COMT: variants seen among roughly 807,000 people sequenced by gnomAD.
The protein encoded by COMT is catechol-O-methyltransferase, also known as catechol O-methyltransferase.
Under a neutral mutation model 18.9 loss-of-function variants are expected in COMT, and 13 were observed. That is an observed-to-expected ratio of 0.69 (90% CI 0.45 to 1.09). The LOEUF is 1.09. Ranked by LOEUF, COMT falls within the 50% of genes least tolerant of loss-of-function variation. COMT has a pLI of 0.00. For missense variants in COMT, 329 were observed against 361.8 expected (o/e 0.91, Z 0.73); for synonymous variants, 150 against 160.9 (o/e 0.93, Z 0.51).
At chr22:19,961,393 A>G (rs192055668) in intron 2 of COMT, 104 bp downstream of exon 2, 1 of 152,348 alleles carries the variant, frequency 6.6e-6, no homozygotes, top group African/African-American at 2.4e-5. Flanking sequence ...TGCCTGTGTA[A>G]ATAGGCCACA....
Position 19,968,686 on chromosome 22 carries a change from G to A in COMT, c.766G>A (p.Gly256Ser), listed in dbSNP as rs201407028. 3.1e-6 allele frequency: 5 copies of A among 1,613,824 alleles called. No individual in the cohort carries two copies. The highest frequency in any genetic ancestry group is 2.2e-5 in the East Asian group (1 of 44,872). ...CCTGGAATACAGGGAGGTGGTGGAC[G>A]GCCTGGAGAAGGCCATCTACAAGGG... is the stretch of plus-strand genomic sequence containing the variant. ...SFLEYREVVD[G>S]LEKAIYKGPG... Residue 256 changes from glycine to serine, a missense_variant, in exon 6 of 6, where the codon GGC (glycine) becomes AGC (serine). Transcript: ENST00000361682.
chr22:19,956,778 G>GACCACAC (rs1942073747), intron 1 of COMT, among the ~76,000 whole-genome samples: 2 of 151,698 alleles, frequency 1.3e-5, no homozygotes, highest in East Asian at 3.9e-4. Context: ...GTCTTACTAT[G>GACCACAC]TTGCCCAGAG....
intron 1 of COMT, among the ~76,000 whole-genome samples, chr22:19,954,289 C>T (rs986163704): frequency 6.6e-6 from 1 of 151,362 alleles, no homozygotes; most frequent in Non-Finnish European, 1.5e-5. Context: ...GGGGAGGCTA[C>T]AGGAGGCTGC....
intron 5 of COMT, chr22:19,967,401 T>G (rs755787901): frequency 2.1e-6 from 1 of 476,960 alleles, no homozygotes; most frequent in Non-Finnish European, 4.3e-6. Flanking sequence ...ACATTTTTTT[T>G]TTTTTCTAAA....
chr22:19,963,852 C>CA (rs1370519032), intron 4 of COMT, 93 bp downstream of exon 4: 11 of 1,441,668 alleles, frequency 7.6e-6, no homozygotes, highest in Non-Finnish European at 9.4e-6. Flanking sequence ...CAGGTGTTCA[C>CA]ACCACGTTCA....
rs1215172915 is a variant in COMT at position 19,968,929 on chromosome 22, T to C, written c.*193T>C. On this transcript the variant is annotated 3_prime_UTR_variant, in exon 6 of 6. Coordinates refer to ENST00000361682, the MANE Select transcript of COMT (RefSeq NM_000754.4). ...ATTGTTCTTTTTTAAGACTCAATCATGACTTCTTTACTAACACTGGCTAGC... is the reference window on the plus strand; with the variant it reads ...ATTGTTCTTTTTTAAGACTCAATCACGACTTCTTTACTAACACTGGCTAGC... 5 of 598,482 alleles carry C rather than the reference T, an allele frequency of 8.4e-6. No homozygotes were observed. The highest frequency in any genetic ancestry group is 1.5e-5 in the Non-Finnish European group (5 of 333,424). 37.1% of individuals were successfully genotyped at this position (598,482 alleles called of 1,614,324 possible).
intron 1 of COMT, among the ~76,000 whole-genome samples, chr22:19,949,770 G>A (rs1223423314): frequency 6.6e-6 from 1 of 151,950 alleles, no homozygotes; most frequent in Non-Finnish European, 1.5e-5. Flanking sequence ...GCCATAACTT[G>A]TATTTTACAA....
At chr22:19,954,920 G>T (rs1942026781) in intron 1 of COMT, among the ~76,000 whole-genome samples, 1 of 152,174 alleles carries the variant, frequency 6.6e-6, no homozygotes, top group African/African-American at 2.4e-5. Context: ...ACAGCTTCTT[G>T]TACTGGGGGT....
chr22:19,956,015 C>A (rs1233168856), intron 1 of COMT, among the ~76,000 whole-genome samples: 1 of 151,844 alleles, frequency 6.6e-6, no homozygotes, highest in Non-Finnish European at 1.5e-5. Context: ...GAATAGAGAC[C>A]AAAGTGTCAA....
intron 1 of COMT, among the ~76,000 whole-genome samples, chr22:19,958,166 A>T (rs1470235448): frequency 3.6e-5 from 5 of 139,316 alleles, no homozygotes; most frequent in Non-Finnish European, 4.6e-5. Flanking sequence ...AGCATGTTTA[A>T]TTTTTTTTTT....
At chr22:19,952,508 C>T (rs181069484) in intron 1 of COMT, among the ~76,000 whole-genome samples, 241 of 151,672 alleles carry the variant, frequency 1.6e-3, no homozygotes, top group Admixed American at 4.5e-3. Flanking sequence ...GGCGTGGTGG[C>T]GGGCGCCTGT....
At chr22:19,959,748 T>C (rs1275761098) in intron 1 of COMT, among the ~76,000 whole-genome samples, 1 of 152,108 alleles carries the variant, frequency 6.6e-6, no homozygotes, top group Non-Finnish European at 1.5e-5. Flanking sequence ...GGCACTGCAT[T>C]GTGGCCTGGG....
chr22:19,955,645 T>C (rs1942041505), intron 1 of COMT, among the ~76,000 whole-genome samples: 2 of 152,236 alleles, frequency 1.3e-5, no homozygotes, highest in South Asian at 4.1e-4. Flanking sequence ...CTGTGTCCTG[T>C]TTGTCATCAC....
chr22:19,954,184 T>G (rs1942010025), intron 1 of COMT, among the ~76,000 whole-genome samples: 1 of 142,934 alleles, frequency 7.0e-6, no homozygotes, highest in African/African-American at 2.7e-5. Flanking sequence ...GCAGTCCGTG[T>G]GAAAGCCTTC....
intron 1 of COMT, among the ~76,000 whole-genome samples, chr22:19,957,316 T>C (rs747629924): frequency 3.3e-5 from 5 of 152,082 alleles, no homozygotes; most frequent in African/African-American, 4.8e-5. Flanking sequence ...TCCCAGCTAC[T>C]CAGGAGGATG....
rs769380356 is a variant in COMT at position 19,964,414 on chromosome 22, G to T, written c.615+115G>T. Reference sequence around the variant, plus strand: ...GTAGAGCCCTGTGTGGACACAGCTCGCTCTGGAGGCACCACCTGAGGTCTG... The same window carrying T: ...GTAGAGCCCTGTGTGGACACAGCTCTCTCTGGAGGCACCACCTGAGGTCTG... On this transcript the variant is annotated intron_variant, in intron 5 of 5. Coordinates refer to ENST00000361682, the MANE Select transcript of COMT (RefSeq NM_000754.4). The T allele has an allele frequency of 2.7e-5, 39 of 1,442,884 alleles. 1 individual carries two copies. In the South Asian group the frequency reaches 4.5e-4, roughly 17 times the overall value. 89.4% of individuals were successfully genotyped at this position (1,442,884 alleles called of 1,614,324 possible).
At chr22:19,962,378 C>A in intron 2 of COMT, 149 bp from the exon 3 acceptor site, 8 of 1,400,254 alleles carry the variant, frequency 5.7e-6, no homozygotes, top group Non-Finnish European at 7.7e-6. Context: ...GGCGCTGACA[C>A]GTCAGGCAAC....
chr22:19,948,298 A>G (rs1212121377), intron 1 of COMT, among the ~76,000 whole-genome samples: 1 of 151,878 alleles, frequency 6.6e-6, no homozygotes, highest in Non-Finnish European at 1.5e-5. Flanking sequence ...ATAAGGTCAC[A>G]GGACAGATCC....
rs1328526797 is a variant in COMT, at chr22:19,969,197, A to G, written c.*461A>G. 5.7e-6 allele frequency: 1 copy of G among 174,126 alleles called. No homozygotes were observed. Among genetic ancestry groups the G allele is most frequent in the Non-Finnish European group, 1.2e-5 (1 of 80,852 alleles). 10.8% of individuals were successfully genotyped at this position (174,126 alleles called of 1,614,324 possible). A position where few individuals can be genotyped will look rare whatever the true frequency, so the allele number is the denominator to read the frequency against. On this transcript the variant is annotated 3_prime_UTR_variant, in exon 6 of 6. Transcript: ENST00000361682. ...ACTGGCCTCCCAGCCACAGTGGTGCAGAGGTCAGCCCTCCTGCAGCTAGGC... is the reference window on the plus strand; with the variant it reads ...ACTGGCCTCCCAGCCACAGTGGTGCGGAGGTCAGCCCTCCTGCAGCTAGGC...
Sources: allele counts gnomAD v4.1 joint callset (sites outside exome capture counted in the v4.1 genomes callset), GRCh38; gene constraint gnomAD v4.1.1; transcripts MANE v1.5; gene names NCBI Gene and HGNC (gene_info 2026-07-23, HGNC 2026-07-21).